Variants in PTPRA observed in about 807,000 individuals in gnomAD.
The protein encoded by PTPRA is receptor-type tyrosine-protein phosphatase alpha.
Under a neutral mutation model 104.8 loss-of-function variants are expected in PTPRA, and 25 were observed. That is an observed-to-expected ratio of 0.24 (90% CI 0.17 to 0.33). The LOEUF is 0.33. Ranked by LOEUF, PTPRA falls within the 10% of genes least tolerant of loss-of-function variation. The probability of loss-of-function intolerance (pLI) is 1.00; values close to 1 mark genes in which losing one functional copy is unlikely to be tolerated. For synonymous variants in PTPRA, 323 were observed against 368.9 expected (o/e 0.88, Z 1.43); for missense variants, 765 against 1,015.3 (o/e 0.75, Z 3.35).
intron 9 of PTPRA, among the ~76,000 whole-genome samples, chr20:2,994,039 C>T (rs73581792): frequency 1.3e-5 from 2 of 152,298 alleles, no homozygotes; most frequent in African/African-American, 2.4e-5. Context: ...GCAAAGGCTC[C>T]GTTCTAACTA....
At chr20:2,988,304 G>C (rs751597347) in intron 8 of PTPRA, 34 bp from the exon 9 acceptor site, 8 of 1,573,252 alleles carry the variant, frequency 5.1e-6, no homozygotes, top group Admixed American at 2.1e-5. Context: ...GGTTCTCAGG[G>C]TACCTGACTG....
At chr20:2,872,390 C>T (rs2089451526), upstream of PTPRA, among the ~76,000 whole-genome samples, 1 of 152,222 alleles carries the variant, frequency 6.6e-6, no homozygotes, top group South Asian at 2.1e-4. This position sits in a 1 kb window ranked among gnomAD's most constrained non-coding sequence, Gnocchi z 7.9. Context: ...GAGAGACTCG[C>T]CGCCACCTAC....
In PTPRA at chr20:2,889,022, C is replaced by T. The variant is rs183848106; in HGVS notation, c.-129+15262C>T. On this transcript the variant is annotated intron_variant, in intron 1 of 23. Coordinates refer to ENST00000399903, the MANE Select transcript of PTPRA (RefSeq NM_001385305.1). ...TGTACTTGGTAAGTTTTCAAAGGTT[C>T]TACTTTGAAGAGGGCTTTTGTTGAG... Among the ~76,000 whole-genome samples, 162 of 152,274 alleles carry T rather than the reference C, an allele frequency of 1.1e-3. 1 individual carries two copies. The highest frequency in any genetic ancestry group is 1.2e-4 in the Non-Finnish European group (8 of 68,024).
intron 11 of PTPRA, among the ~76,000 whole-genome samples, chr20:3,009,808 C>T (rs915826306): frequency 1.3e-5 from 2 of 151,918 alleles, no homozygotes; most frequent in Non-Finnish European, 2.9e-5. Flanking sequence ...GTGTGTCCAG[C>T]TGCGGGTAAG....
At chr20:2,866,601 A>T in the PTPRA span, 1 of 1,612,372 alleles carries the variant, frequency 6.2e-7, no homozygotes, top group Admixed American at 1.7e-5. Flanking sequence ...ATCTCAAGCA[A>T]GGGGTTCCTC....
In PTPRA at chr20:3,022,948, A is replaced by G. The variant is rs542476684; in HGVS notation, c.1464+124A>G. The stretch of plus-strand genomic sequence containing the variant: ...TTACTATAGAGTGTGATTGTGGGGG[A>G]AAGAAAGATAGATCACACTGTTACC... On this transcript the variant is annotated intron_variant, in intron 16 of 23. Transcript: ENST00000399903. This position sits in a 1 kb window ranked among gnomAD's most constrained non-coding sequence, Gnocchi z 4.6. 3.5e-6 allele frequency: 5 copies of G among 1,436,190 alleles called. No homozygotes were observed. The East Asian group carries it at 7.4e-5, about 21-fold the overall frequency. 89.0% of individuals were successfully genotyped at this position (1,436,190 alleles called of 1,614,324 possible).
chr20:2,953,575 C>T (rs1355304792), intron 3 of PTPRA, among the ~76,000 whole-genome samples: 1 of 151,614 alleles, frequency 6.6e-6, no homozygotes, highest in African/African-American at 2.4e-5. Flanking sequence ...TAAACAATAG[C>T]CATCCTAATG....
the PTPRA span, chr20:2,865,503 A>G: frequency 1.9e-6 from 3 of 1,612,480 alleles, no homozygotes; most frequent in African/African-American, 2.7e-5. This position sits in a 1 kb window ranked among gnomAD's most constrained non-coding sequence, Gnocchi z 5.2. Flanking sequence ...CTGGTGAGGC[A>G]GGGTCCTCCC....
chr20:2,880,074 G>A (rs2089963829), intron 1 of PTPRA, among the ~76,000 whole-genome samples: 1 of 152,208 alleles, frequency 6.6e-6, no homozygotes, highest in Admixed American at 6.5e-5. Flanking sequence ...TGAGGGTCCT[G>A]TATGGCATGC....
At chr20:2,905,254 C>T (rs1025743991) in intron 1 of PTPRA, among the ~76,000 whole-genome samples, 2 of 152,172 alleles carry the variant, frequency 1.3e-5, no homozygotes, top group African/African-American at 2.4e-5. Flanking sequence ...AAACTGGTCC[C>T]TGGGTGCCAA....
chr20:3,026,880 C>T, intron 18 of PTPRA, 100 bp downstream of exon 18: 2 of 1,131,514 alleles, frequency 1.8e-6, no homozygotes, highest in Admixed American at 1.9e-5. Context: ...GGCGTATAGA[C>T]AAGAATCATG....
Position 2,939,832 on chromosome 20 carries a change from C to T in PTPRA, c.-49-8150C>T, listed in dbSNP as rs897733354. Among the ~76,000 whole-genome samples, 4 of 152,242 alleles carry T rather than the reference C, an allele frequency of 2.6e-5. No individual in the cohort carries two copies. In the East Asian group the frequency reaches 5.8e-4, roughly 22 times the overall value. On this transcript the variant is annotated intron_variant, in intron 2 of 23. Transcript: ENST00000399903. ...GTTATAATCGGTGGGAAGGGCTGGG[C>T]GCGGTGGCTGACGCCTACAATCCCA...
chr20:2,964,920 G>C lies in PTPRA; in HGVS notation c.133G>C (p.Glu45Gln). ...CTCATCAACGGCAGAACCAGTTAAA[G>C]AAGAGGCCAAAACTTCAAATCCAAC... ...INSSTAEPVK[E>Q]EAKTSNPTSS... is the part of the protein sequence containing the mutation. The change falls in exon 5 of 24, where the codon GAA becomes CAA. Residue 45 changes from glutamate (E) to glutamine (Q), a missense_variant. This residue lies in a region of PTPRA where 256 missense variants were observed against 248.9 expected (regional missense o/e 1.03). Coordinates refer to ENST00000399903, the MANE Select transcript of PTPRA (RefSeq NM_001385305.1). The C allele has an allele frequency of 6.2e-7, 1 of 1,614,142 alleles. No individual in the cohort carries two copies. Among genetic ancestry groups the C allele is most frequent in the Non-Finnish European group, 8.5e-7 (1 of 1,179,994 alleles).
At chr20:3,008,167 C>G (rs2063964083) in intron 11 of PTPRA, among the ~76,000 whole-genome samples, 1 of 152,218 alleles carries the variant, frequency 6.6e-6, no homozygotes, top group African/African-American at 2.4e-5. Context: ...AAAATTTCCA[C>G]TTGCATGTTT....
At chr20:2,874,995 A>G (rs1406992153) in intron 1 of PTPRA, among the ~76,000 whole-genome samples, 6 of 152,198 alleles carry the variant, frequency 3.9e-5, no homozygotes, top group African/African-American at 1.4e-4. Flanking sequence ...TTTCTTTTAA[A>G]GTTCTTCTCA....
intron 1 of PTPRA, among the ~76,000 whole-genome samples, chr20:2,919,153 C>T (rs1267029767): frequency 6.6e-6 from 1 of 152,060 alleles, no homozygotes; most frequent in African/African-American, 2.4e-5. Flanking sequence ...TTGATTGTCT[C>T]AAATTTCCAA....
intron 1 of PTPRA, among the ~76,000 whole-genome samples, chr20:2,909,913 ATGTTATATAT>A (rs1178993174): frequency 2.3e-5 from 3 of 132,080 alleles, no homozygotes; most frequent in Non-Finnish European, 3.1e-5. Context: ...TGACATATAT[ATGTTATATAT>A]TGTTATATAT....
intron 1 of PTPRA, among the ~76,000 whole-genome samples, chr20:2,885,605 G>A (rs2090333287): frequency 6.6e-6 from 1 of 152,072 alleles, no homozygotes; most frequent in Non-Finnish European, 1.5e-5. Flanking sequence ...AGTCTTGCTT[G>A]CCCCAACAAA....
At chr20:2,988,243 C>A in intron 8 of PTPRA, 95 bp from the exon 9 acceptor site, 1 of 1,535,202 alleles carries the variant, frequency 6.5e-7, no homozygotes, top group African/African-American at 1.4e-5. Context: ...CTAGTTCTTA[C>A]AGGCTTGGTC....
Sources: allele counts gnomAD v4.1 joint callset (sites outside exome capture counted in the v4.1 genomes callset), GRCh38; gene constraint gnomAD v4.1.1; regional missense constraint gnomAD v4.1.1; non-coding constraint Gnocchi (gnomAD v3.1); transcripts MANE v1.5; gene names NCBI Gene and HGNC (gene_info 2026-07-23, HGNC 2026-07-21).